MAL2: variants seen among roughly 807,000 people sequenced by gnomAD.
The protein encoded by MAL2 is protein MAL2.
MAL2 carries 17 observed loss-of-function variants against 18.1 expected under a neutral mutation model. That is an observed-to-expected ratio of 0.94 (90% CI 0.64 to 1.41). The LOEUF (loss-of-function observed/expected upper bound fraction) is 1.41, where lower values mean the gene tolerates loss of function less well. MAL2 is among the 40% of genes most tolerant of loss of function. The pLI is 0.00. For missense variants in MAL2, 222 were observed against 231.9 expected, an observed-to-expected ratio of 0.96 and a Z score of 0.28; for synonymous variants, 102 against 102.3, an observed-to-expected ratio of 1.00 and a Z score of 0.02.
At chr8:119,234,674 G>A (rs2129885475) in intron 2 of MAL2, among the ~76,000 whole-genome samples, 1 of 151,904 alleles carries the variant, frequency 6.6e-6, no homozygotes, top group African/African-American at 2.4e-5. Context: ...CAGCCTAACT[G>A]GGAGGCACCC....
intron 1 of MAL2, among the ~76,000 whole-genome samples, chr8:119,216,210 A>G (rs75134351): frequency 0.013 from 1,921 of 152,242 alleles, 20 homozygotes; most frequent in Non-Finnish European, 0.02. Context: ...ATGCATATGT[A>G]CTTGTCCACC....
intron 2 of MAL2, among the ~76,000 whole-genome samples, chr8:119,237,247 G>C (rs1229296250): frequency 6.6e-6 from 1 of 150,664 alleles, no homozygotes; most frequent in African/African-American, 2.5e-5. Flanking sequence ...GGAAGAAGTT[G>C]AATCTCTGAA....
chr8:119,243,588 A>C lies in MAL2; in HGVS notation c.*100A>C. 1.9e-6 allele frequency: 2 copies of C among 1,030,990 alleles called. No individual in the cohort carries two copies. Among genetic ancestry groups the C allele is most frequent in the South Asian group, 3.9e-5 (2 of 51,488 alleles). 63.9% of individuals were successfully genotyped at this position (1,030,990 alleles called of 1,614,324 possible). ...TTTGTCCAGATGCAAAAACATTCCAAAAGTAATGTGTTTAGTAGAGAGAGA... is the reference window on the plus strand; with the variant it reads ...TTTGTCCAGATGCAAAAACATTCCACAAGTAATGTGTTTAGTAGAGAGAGA... On this transcript the variant is annotated 3_prime_UTR_variant, in exon 4 of 4. Coordinates refer to ENST00000614891, the MANE Select transcript of MAL2 (RefSeq NM_052886.3).
In MAL2 at chr8:119,234,110, C is replaced by T. The variant is rs545915871; in HGVS notation, c.304-6055C>T. 1.3e-4 allele frequency among the ~76,000 whole-genome samples: 20 copies of T among 152,254 alleles called. No individual in the cohort carries two copies. The South Asian group carries it at 3.3e-3, about 25-fold the overall frequency. On this transcript the variant is annotated intron_variant, in intron 2 of 3. Coordinates refer to ENST00000614891, the MANE Select transcript of MAL2 (RefSeq NM_052886.3). ...CAGGCCAGTGGGTGCGCGCACCGTGCGCGAGCCGAAGCAGGGCGAGGCATT... is the reference window on the plus strand; with the variant it reads ...CAGGCCAGTGGGTGCGCGCACCGTGTGCGAGCCGAAGCAGGGCGAGGCATT...
chr8:119,229,113 T>C (rs1157918753), intron 2 of MAL2, among the ~76,000 whole-genome samples: 1 of 151,914 alleles, frequency 6.6e-6, no homozygotes, highest in Non-Finnish European at 1.5e-5. Context: ...ACTCGAAGGG[T>C]CCTTTTGGCT....
chr8:119,221,359 C>T, intron 1 of MAL2: 1 of 480,886 alleles, frequency 2.1e-6, no homozygotes, highest in East Asian at 3.2e-5. Flanking sequence ...CCTGAAGATA[C>T]AGGTGTGGAG....
In MAL2 at chr8:119,208,760, C is replaced by G. The variant is rs1266615804; in HGVS notation, c.132+156C>G. 40 of 1,141,932 alleles carry G rather than the reference C, an allele frequency of 3.5e-5. No homozygotes were observed. Among genetic ancestry groups the G allele is most frequent in the South Asian group, 4.4e-5 (1 of 22,492 alleles). 70.7% of individuals were successfully genotyped at this position (1,141,932 alleles called of 1,614,324 possible). A position where few individuals can be genotyped will look rare whatever the true frequency, so the allele number is the denominator to read the frequency against. Reference sequence around the variant, plus strand: ...CCCTCCCGGGGTCCTCTCGGTGCCCCGCGCCGCCGCCCGGGCCCTCCCTCC... The same window carrying G: ...CCCTCCCGGGGTCCTCTCGGTGCCCGGCGCCGCCGCCCGGGCCCTCCCTCC... On this transcript the variant is annotated intron_variant, in intron 1 of 3. Coordinates refer to ENST00000614891, the MANE Select transcript of MAL2 (RefSeq NM_052886.3). The surrounding 1 kb of genome is among the most constrained non-coding windows in gnomAD (Gnocchi z 4.3).
intron 1 of MAL2, among the ~76,000 whole-genome samples, chr8:119,220,260 T>A (rs1392937633): frequency 6.6e-6 from 1 of 152,226 alleles, no homozygotes; most frequent in Non-Finnish European, 1.5e-5. Flanking sequence ...CCACATCTGA[T>A]CAGTTACCAA....
chr8:119,243,417 A>G lies in MAL2; in HGVS notation c.460A>G (p.Ile154Val). ...NQYNINVAASIFAFMTTACYG... is the reference protein window; with the variant it reads ...NQYNINVAASVFAFMTTACYG... ...TGAATTTTTGTTTCTTTTTTCTTAG[A>G]TTTTTGCCTTTATGACGACAGCTTG... The change falls in exon 4 of 4, where the codon ATT becomes GTT. Residue 154 changes from isoleucine to valine, a missense_variant and splice_region_variant. By Grantham distance (29) the Ile-to-Val change is conservative (BLOSUM62 3). Coordinates refer to ENST00000614891, the MANE Select transcript of MAL2 (RefSeq NM_052886.3). The G allele has an allele frequency of 6.3e-7, 1 of 1,585,172 alleles. No homozygotes were observed. The highest frequency in any genetic ancestry group is 2.3e-5 in the East Asian group (1 of 44,080).
Position 119,208,658 on chromosome 8 carries a change from C to T in MAL2, c.132+54C>T, listed in dbSNP as rs1817223711. The T allele has an allele frequency of 7.2e-6, 9 of 1,252,448 alleles. No individual in the cohort carries two copies. The South Asian group carries it at 1.8e-4, about 26-fold the overall frequency. The allele number at this position is 1,252,448 out of a possible 1,614,324, so 77.6% of individuals were successfully genotyped here. ...CGCGGGGAGCGAGGACAGGCGGCGG[C>T]ATCCTTGTCCCCCGGGCTGTCTTCC... is the stretch of plus-strand genomic sequence containing the variant. On this transcript the variant is annotated intron_variant, in intron 1 of 3. Transcript: ENST00000614891. The surrounding 1 kb of genome is among the most constrained non-coding windows in gnomAD (Gnocchi z 4.3).
At chr8:119,231,936 T>C (rs766513202) in intron 2 of MAL2, among the ~76,000 whole-genome samples, 26 of 152,082 alleles carry the variant, frequency 1.7e-4, no homozygotes, top group African/African-American at 2.4e-4. Flanking sequence ...TGGGGAAATG[T>C]TGGTCAAAGG....
chr8:119,208,816 C>A lies in MAL2; in HGVS notation c.132+212C>A, dbSNP rs954392972. 15 of 708,088 alleles carry A rather than the reference C, an allele frequency of 2.1e-5. No homozygotes were observed. The highest frequency in any genetic ancestry group is 2.9e-5 in the Non-Finnish European group (15 of 520,628). 43.9% of individuals were successfully genotyped at this position (708,088 alleles called of 1,614,324 possible). A position where few individuals can be genotyped will look rare whatever the true frequency, so the allele number is the denominator to read the frequency against. ...CCTGTTACGCGGGCACCTGCTCCCC[C>A]GCGGGCGACGGAAATTGCCTGGGGA... On this transcript the variant is annotated intron_variant, in intron 1 of 3. Coordinates refer to ENST00000614891, the MANE Select transcript of MAL2 (RefSeq NM_052886.3). The surrounding 1 kb of genome is among the most constrained non-coding windows in gnomAD (Gnocchi z 4.3).
chr8:119,229,000 T>G (rs570737248), intron 2 of MAL2, among the ~76,000 whole-genome samples: 1 of 152,258 alleles, frequency 6.6e-6, no homozygotes, highest in African/African-American at 2.4e-5. Context: ...GAGGCCATAC[T>G]CTTGGGCCTT....
At chr8:119,210,726 C>T (rs1817255732) in intron 1 of MAL2, among the ~76,000 whole-genome samples, 1 of 152,218 alleles carries the variant, frequency 6.6e-6, no homozygotes, top group African/African-American at 2.4e-5. Context: ...ATCTCATTTC[C>T]TCTGGCTTCT....
In MAL2 at chr8:119,208,652, C is replaced by T. The variant is rs1212141218; in HGVS notation, c.132+48C>T. On this transcript the variant is annotated intron_variant, in intron 1 of 3. Transcript: ENST00000614891. The surrounding 1 kb of genome is among the most constrained non-coding windows in gnomAD (Gnocchi z 4.3). Reference sequence around the variant, plus strand: ...GGGTCGCGCGGGGAGCGAGGACAGGCGGCGGCATCCTTGTCCCCCGGGCTG... The same window carrying T: ...GGGTCGCGCGGGGAGCGAGGACAGGTGGCGGCATCCTTGTCCCCCGGGCTG... The T allele has an allele frequency of 2.4e-6, 3 of 1,265,778 alleles. No homozygotes were observed. Among genetic ancestry groups the T allele is most frequent in the Non-Finnish European group, 3.0e-6 (3 of 1,004,248 alleles). 78.4% of individuals were successfully genotyped at this position (1,265,778 alleles called of 1,614,324 possible).
intron 2 of MAL2, among the ~76,000 whole-genome samples, chr8:119,239,253 A>G (rs1225091217): frequency 1.3e-5 from 2 of 152,178 alleles, no homozygotes; most frequent in Non-Finnish European, 2.9e-5. Context: ...TAGAATGGCA[A>G]TCATTAAAAA....
Position 119,240,256 on chromosome 8 carries a change from A to G in MAL2, c.395A>G (p.Asn132Ser), listed in dbSNP as rs1818019186. The stretch of plus-strand genomic sequence containing the variant: ...ACATCCCTGCATGATTTGCATTGCA[A>G]TACAACCATAACCGGGCAGCCACTC... ...AATSLHDLHC[N>S]TTITGQPLLS... Residue 132 changes from asparagine (N) to serine (S), a missense_variant, in exon 3 of 4, where the codon AAT becomes AGT. Transcript: ENST00000614891. 12 of 1,613,786 alleles carry G rather than the reference A, an allele frequency of 7.4e-6. No homozygotes were observed. Among genetic ancestry groups the G allele is most frequent in the Middle Eastern group, 1.7e-4 (1 of 6,060 alleles).
chr8:119,218,410 A>G (rs537967761), intron 1 of MAL2, among the ~76,000 whole-genome samples: 40 of 152,204 alleles, frequency 2.6e-4, no homozygotes, highest in African/African-American at 9.6e-4. Flanking sequence ...CTCTGCTGTC[A>G]AAGCCTTGGT....
intron 2 of MAL2, among the ~76,000 whole-genome samples, chr8:119,239,511 G>T (rs1260379926): frequency 2.6e-5 from 4 of 152,052 alleles, no homozygotes; most frequent in African/African-American, 9.7e-5. Context: ...CAAAGACTTG[G>T]AACCAACCCA....
Sources: gnomAD v4.1 joint callset for allele counts (sites outside exome capture counted in the v4.1 genomes callset) on GRCh38, gnomAD v4.1.1 for gene constraint, Gnocchi (gnomAD v3.1) non-coding constraint, MANE v1.5 for transcripts, NCBI Gene and HGNC (gene_info 2026-07-23, HGNC 2026-07-21) for gene names.